Variants in ACSL3 observed in about 807,000 individuals in gnomAD.
ACSL3 encodes the protein fatty acid CoA ligase Acsl3.
ACSL3 carries 34 observed loss-of-function variants against 84.7 expected under a neutral mutation model. That is an observed-to-expected ratio of 0.40 (90% confidence interval 0.31 to 0.53). ACSL3 has a LOEUF of 0.53. Among genes scored for constraint, ACSL3 ranks in the 20% least tolerant of loss-of-function variants. The probability of loss-of-function intolerance (pLI) is 0.48; values close to 1 mark genes in which losing one functional copy is unlikely to be tolerated. For missense variants in ACSL3, 680 were observed against 873.1 expected, an observed-to-expected ratio of 0.78 and a Z score of 2.79; for synonymous variants, 315 against 299.4, an observed-to-expected ratio of 1.05 and a Z score of -0.54.
chr2:222,942,139 T>C lies in ACSL3; in HGVS notation c.*485T>C, dbSNP rs970928615. ...CAAATGCTTATGAATCAAATCATTGTTGAACAAAAGATTTGTTGCTGTGTA... is the reference window on the plus strand; with the variant it reads ...CAAATGCTTATGAATCAAATCATTGCTGAACAAAAGATTTGTTGCTGTGTA... On this transcript the variant is annotated 3_prime_UTR_variant, in exon 17 of 17. Transcript: ENST00000357430. 1 of 203,016 alleles carries C rather than the reference T, an allele frequency of 4.9e-6. No homozygotes were observed. Among genetic ancestry groups the C allele is most frequent in the Non-Finnish European group, 1.0e-5 (1 of 98,694 alleles). The allele number at this position is 203,016 out of a possible 1,614,324, so 12.6% of individuals were successfully genotyped here.
chr2:222,943,398 G>A lies in ACSL3; in HGVS notation c.*1744G>A, dbSNP rs576858335. ...TCTAAAAATTAAATCTCAGTGGGCG[G>A]AGAGAATTTGTTTCTGATGCCTTGT... On this transcript the variant is annotated 3_prime_UTR_variant, in exon 17 of 17. Transcript: ENST00000357430. 1.4e-3 allele frequency: 247 copies of A among 181,608 alleles called. 2 individuals are homozygous for A. Among genetic ancestry groups the A allele is most frequent in the African/African-American group, 5.5e-3 (234 of 42,524 alleles). 11.2% of individuals were successfully genotyped at this position (181,608 alleles called of 1,614,324 possible). A position where few individuals can be genotyped will look rare whatever the true frequency, so the allele number is the denominator to read the frequency against.
At chr2:222,914,026 T>A (rs935283454) in intron 4 of ACSL3, among the ~76,000 whole-genome samples, 1 of 152,208 alleles carries the variant, frequency 6.6e-6, no homozygotes, top group Non-Finnish European at 1.5e-5. Context: ...CCCCTCAGAA[T>A]AATTTTTTCA....
At chr2:222,929,296 AT>A (rs1327782726) in intron 13 of ACSL3, among the ~76,000 whole-genome samples, 10 of 49,868 alleles carry the variant, frequency 2.0e-4, no homozygotes, top group African/African-American at 8.5e-4. Flanking sequence ...TTTTTAAATG[AT>A]TTTTTTCTTT....
rs1368243457 is a variant in ACSL3 at position 222,930,665 on chromosome 2, C to G, written c.1585C>G (p.Leu529Val). Residue 529 changes from leucine to valine, a missense_variant, in exon 14 of 17, where the codon CTT (leucine) becomes GTT (valine). Transcript: ENST00000357430. ...TDKPHPRGEI[L>V]IGGQSVTMGY... ...TAAGCCACACCCCAGGGGTGAAATT[C>G]TTATTGGGGGCCAAAGTGTGACAAT... 4 of 1,613,848 alleles carry G rather than the reference C, an allele frequency of 2.5e-6. No individual in the cohort carries two copies. The Admixed American group carries it at 6.7e-5, about 27-fold the overall frequency.
intron 1 of ACSL3, among the ~76,000 whole-genome samples, chr2:222,880,289 G>A (rs1188755003): frequency 6.6e-6 from 1 of 151,860 alleles, no homozygotes; most frequent in African/African-American, 2.4e-5. Flanking sequence ...ATTTTCATTG[G>A]GATTGCATTT....
intron 1 of ACSL3, among the ~76,000 whole-genome samples, chr2:222,878,955 C>T (rs1695524258): frequency 6.6e-6 from 1 of 152,190 alleles, no homozygotes; most frequent in Non-Finnish European, 1.5e-5. Flanking sequence ...GTAATAACCA[C>T]ATACCTGGAA....
chr2:222,922,911 A>G (rs1696778685), intron 9 of ACSL3, 80 bp downstream of exon 9: 1 of 1,561,934 alleles, frequency 6.4e-7, no homozygotes, highest in African/African-American at 1.4e-5. Flanking sequence ...GTATGACAGT[A>G]TATTGCGAGA....
intron 3 of ACSL3, among the ~76,000 whole-genome samples, chr2:222,907,070 G>A (rs957010281): frequency 2.0e-5 from 3 of 152,192 alleles, no homozygotes; most frequent in South Asian, 2.1e-4. Flanking sequence ...AGCTGGGGCT[G>A]GGGACAGCAG....
chr2:222,890,351 A>T (rs539866975), intron 2 of ACSL3, among the ~76,000 whole-genome samples: 45 of 152,318 alleles, frequency 3.0e-4, no homozygotes, highest in Non-Finnish European at 5.4e-4. Flanking sequence ...TTCTGGGTAG[A>T]CTTAGCTTGC....
At chr2:222,882,950 G>A (rs547154183) in intron 1 of ACSL3, among the ~76,000 whole-genome samples, 2 of 146,568 alleles carry the variant, frequency 1.4e-5, no homozygotes, top group East Asian at 4.2e-4. Context: ...GGTATTTTTA[G>A]TAGCAATGGG....
chr2:222,917,842 A>G (rs1696624187), intron 5 of ACSL3: 3 of 368,810 alleles, frequency 8.1e-6, no homozygotes, highest in Non-Finnish European at 9.6e-6. Flanking sequence ...AAAAATTGGA[A>G]ATCTTGGGGC....
At chr2:222,878,016 C>A (rs1044229673) in intron 1 of ACSL3, among the ~76,000 whole-genome samples, 11 of 152,266 alleles carry the variant, frequency 7.2e-5, no homozygotes, top group African/African-American at 2.6e-4. Context: ...TTAATTTATT[C>A]TTCCACTAGA....
chr2:222,935,063 A>G (rs935889148), intron 16 of ACSL3, among the ~76,000 whole-genome samples: 4 of 152,248 alleles, frequency 2.6e-5, no homozygotes, highest in African/African-American at 9.6e-5. Context: ...TGGTTGTACT[A>G]ATAGTTTCAT....
intron 1 of ACSL3, among the ~76,000 whole-genome samples, chr2:222,874,030 AT>A (rs933862267): frequency 6.6e-6 from 1 of 150,452 alleles, no homozygotes. Flanking sequence ...TTTTATTTTT[AT>A]TTTTTTTTGA....
chr2:222,914,754 T>A (rs940240707), intron 4 of ACSL3, among the ~76,000 whole-genome samples: 1 of 152,210 alleles, frequency 6.6e-6, no homozygotes, highest in Non-Finnish European at 1.5e-5. Context: ...GGGCTAGCCA[T>A]AGGGACAAAG....
At chr2:222,883,980 C>T (rs1415893863) in intron 1 of ACSL3, among the ~76,000 whole-genome samples, 3 of 152,092 alleles carry the variant, frequency 2.0e-5, no homozygotes, top group Non-Finnish European at 4.4e-5. Context: ...CTCTCTTATG[C>T]CTTTGAGAAT....
intron 16 of ACSL3, among the ~76,000 whole-genome samples, chr2:222,939,062 A>G (rs1198480453): frequency 6.6e-6 from 1 of 151,094 alleles, no homozygotes; most frequent in African/African-American, 2.4e-5. Flanking sequence ...TTCATTGAGC[A>G]TTCTTATGAC....
rs140121398 is a variant in ACSL3 at position 222,872,480 on chromosome 2, A to C, written c.-207+11222A>C. On this transcript the variant is annotated intron_variant, in intron 1 of 16. Coordinates refer to ENST00000357430, the MANE Select transcript of ACSL3 (RefSeq NM_004457.5). ...CTTAGGAAAATTTAAATAAATTATT[A>C]TTCTTAACATCTGTCATCCATCCAT... Among the ~76,000 whole-genome samples, 413 of 152,302 alleles carry C rather than the reference A, an allele frequency of 2.7e-3. 2 individuals are homozygous for C. Among genetic ancestry groups the C allele is most frequent in the African/African-American group, 9.2e-3 (381 of 41,550 alleles).
intron 3 of ACSL3, among the ~76,000 whole-genome samples, chr2:222,901,964 A>AAAAAAAAAAAAAGG (rs57522671): frequency 2.0e-5 from 2 of 99,456 alleles, no homozygotes; most frequent in African/African-American, 4.1e-5. Flanking sequence ...AAAAAAAAAA[A>AAAAAAAAAAAAAGG]GAACTCAAAT....
Sources: allele counts gnomAD v4.1 joint callset (sites outside exome capture counted in the v4.1 genomes callset), GRCh38; gene constraint gnomAD v4.1.1; transcripts MANE v1.5; gene names NCBI Gene and HGNC (gene_info 2026-07-23, HGNC 2026-07-21).